Variants in LAMA2 observed in about 807,000 individuals in gnomAD.
LAMA2 encodes the protein laminin subunit alpha 2, also known as laminin subunit alpha-2.
In LAMA2, 269 loss-of-function variants were observed where a neutral mutation model predicts 364.8. That is an observed-to-expected ratio of 0.74 (90% CI 0.67 to 0.82). The LOEUF is 0.82. Among genes scored for constraint, LAMA2 ranks in the 40% least tolerant of loss-of-function variants. LAMA2 has a pLI of 0.00. For synonymous variants in LAMA2, 1,379 were observed against 1,370.6 expected (o/e 1.01, Z -0.14); for missense variants, 3,807 against 3,873.2 (o/e 0.98, Z 0.45).
At chr6:129,331,941 TC>T (rs1169073359) in intron 29 of LAMA2, among the ~76,000 whole-genome samples, 1 of 152,210 alleles carries the variant, frequency 6.6e-6, no homozygotes, top group Non-Finnish European at 1.5e-5. Flanking sequence ...CAATTTGCTT[TC>T]CAGCCCATGG....
intron 1 of LAMA2, among the ~76,000 whole-genome samples, chr6:128,968,527 TG>T (rs1303503968): frequency 6.6e-6 from 1 of 151,704 alleles, no homozygotes; most frequent in Non-Finnish European, 1.5e-5. Flanking sequence ...GATCATGGGG[TG>T]GGAGTTAATT....
Position 129,393,269 on chromosome 6 carries a change from G to A in LAMA2, c.5445+14G>A, listed in dbSNP as rs773370629. Reference sequence around the variant, plus strand: ...ACTGCATTGGAGGTGAGTCTTAGGGGCACTTTTATCTTAATCTCAGAAGGT... The same window carrying A: ...ACTGCATTGGAGGTGAGTCTTAGGGACACTTTTATCTTAATCTCAGAAGGT... On this transcript the variant is annotated intron_variant, in intron 37 of 64. Coordinates refer to ENST00000421865, the MANE Select transcript of LAMA2 (RefSeq NM_000426.4). The A allele has an allele frequency of 5.0e-6, 8 of 1,594,770 alleles. No homozygotes were observed. Among genetic ancestry groups the A allele is most frequent in the East Asian group, 2.2e-5 (1 of 44,752 alleles).
chr6:129,379,191 A>G (rs950462982), intron 34 of LAMA2, among the ~76,000 whole-genome samples: 1 of 152,164 alleles, frequency 6.6e-6, no homozygotes, highest in Non-Finnish European at 1.5e-5. Context: ...AACAATGTTC[A>G]CTGGGGCCTA....
At chr6:129,302,234 T>C (rs1456647846) in intron 22 of LAMA2, among the ~76,000 whole-genome samples, 1 of 152,122 alleles carries the variant, frequency 6.6e-6, no homozygotes, top group African/African-American at 2.4e-5. Context: ...CTGATGCATG[T>C]GTATTTCTCT....
At chr6:129,291,590 C>G (rs749900981) in intron 19 of LAMA2, 24 bp from the exon 20 acceptor site, 1 of 1,570,536 alleles carries the variant, frequency 6.4e-7, no homozygotes, top group East Asian at 2.2e-5. Flanking sequence ...TTTTCCTGAT[C>G]ACAGGTCTCT....
intron 17 of LAMA2, among the ~76,000 whole-genome samples, chr6:129,278,117 G>A (rs745334493): frequency 6.6e-6 from 1 of 152,076 alleles, no homozygotes; most frequent in African/African-American, 2.4e-5. Flanking sequence ...CACTAGAATC[G>A]CTTGAACCCA....
intron 1 of LAMA2, among the ~76,000 whole-genome samples, chr6:128,886,448 C>T (rs1326327651): frequency 3.9e-5 from 6 of 152,158 alleles, no homozygotes; most frequent in African/African-American, 1.4e-4. Flanking sequence ...AAAAGGTTGG[C>T]TCACTTTTAC....
chr6:128,929,774 ACAACTGTCTCCTGACTTC>A (rs1779337836), intron 1 of LAMA2: 1 of 1,089,010 alleles, frequency 9.2e-7, no homozygotes, highest in Non-Finnish European at 1.4e-6. Context: ...GTGTAAAACC[ACAACTGTCTCCTGACTTC>A]CAACCACACC....
chr6:129,100,051 A>G (rs916988141), intron 4 of LAMA2, among the ~76,000 whole-genome samples: 17 of 152,338 alleles, frequency 1.1e-4, no homozygotes, highest in Non-Finnish European at 2.4e-4. Context: ...CTATACCTTT[A>G]AAAATGATTC....
intron 4 of LAMA2, among the ~76,000 whole-genome samples, chr6:129,125,311 A>T (rs866627915): frequency 6.6e-6 from 1 of 152,242 alleles, no homozygotes; most frequent in Non-Finnish European, 1.5e-5. Flanking sequence ...GATAGTGTAT[A>T]GTATTCTGGA....
intron 1 of LAMA2, among the ~76,000 whole-genome samples, chr6:128,933,258 G>GTGTGTC (rs1554328795): frequency 9.9e-4 from 147 of 148,912 alleles, no homozygotes; most frequent in African/African-American, 3.6e-3. Context: ...GTGTGTGTGT[G>GTGTGTC]TGTGTGTCTG....
intron 1 of LAMA2, among the ~76,000 whole-genome samples, chr6:128,902,428 CA>C (rs1222622903): frequency 6.6e-6 from 1 of 152,048 alleles, no homozygotes; most frequent in African/African-American, 2.4e-5. Context: ...AGACAAATTC[CA>C]CCTTTCTCAC....
chr6:129,171,399 G>C (rs2115003860), intron 9 of LAMA2, among the ~76,000 whole-genome samples: 1 of 152,030 alleles, frequency 6.6e-6, no homozygotes, highest in Non-Finnish European at 1.5e-5. Flanking sequence ...GCATTTGCTT[G>C]TCTGTAAAGT....
At chr6:129,302,585 G>C (rs993227217) in intron 22 of LAMA2, among the ~76,000 whole-genome samples, 1 of 151,974 alleles carries the variant, frequency 6.6e-6, no homozygotes, top group Non-Finnish European at 1.5e-5. Context: ...TTTTCTTCAA[G>C]AAGTTTTAGA....
intron 40 of LAMA2, among the ~76,000 whole-genome samples, chr6:129,419,533 T>C (rs999221602): frequency 2.6e-5 from 4 of 152,180 alleles, no homozygotes; most frequent in Admixed American, 1.3e-4. Context: ...TGAAGCAGTC[T>C]AGTGGTACAC....
intron 4 of LAMA2, among the ~76,000 whole-genome samples, chr6:129,136,108 G>A (rs968735927): frequency 6.6e-6 from 1 of 151,848 alleles, no homozygotes; most frequent in Admixed American, 6.6e-5. Flanking sequence ...CAGGCACTTA[G>A]TAATCACTGT....
intron 1 of LAMA2, among the ~76,000 whole-genome samples, chr6:129,026,094 T>C (rs555897395): frequency 6.6e-6 from 1 of 152,300 alleles, no homozygotes; most frequent in Admixed American, 6.5e-5. Context: ...TTACTCTCCC[T>C]AGACATAGAC....
In LAMA2 at chr6:129,512,360, C is replaced by CAGTT; in HGVS notation, c.8858-2_8859dup. On this transcript the variant is annotated splice_region_variant and splice_polypyrimidine_tract_variant and intron_variant, in intron 62 of 64. Transcript: ENST00000421865. ...AAAATATTTTAAAATCTTCATTTTACAGTTGGTGGATTCAAAGTGGGATTG... is the reference window on the plus strand; with the variant it reads ...AAAATATTTTAAAATCTTCATTTTACAGTTAGTTGGTGGATTCAAAGTGGGATTG... The CAGTT allele has an allele frequency of 6.2e-7, 1 of 1,613,152 alleles. No individual in the cohort carries two copies. Among genetic ancestry groups the CAGTT allele is most frequent in the Non-Finnish European group, 8.5e-7 (1 of 1,179,218 alleles).
At chr6:129,144,530 G>A (rs1345487491) in intron 5 of LAMA2, among the ~76,000 whole-genome samples, 2 of 151,932 alleles carry the variant, frequency 1.3e-5, no homozygotes, top group Non-Finnish European at 2.9e-5. Context: ...ACAGAGAGCA[G>A]TATGTCTTAA....
Sources: allele counts gnomAD v4.1 joint callset (sites outside exome capture counted in the v4.1 genomes callset), GRCh38; gene constraint gnomAD v4.1.1; transcripts MANE v1.5; gene names NCBI Gene and HGNC (gene_info 2026-07-23, HGNC 2026-07-21).